WDR27: variants seen among roughly 807,000 people sequenced by gnomAD.
WDR27 encodes the protein WD repeat domain 27, also known as WD repeat-containing protein 27.
WDR27 carries 100 observed loss-of-function variants against 114.4 expected under a neutral mutation model. That is an observed-to-expected ratio of 0.87 (90% CI 0.74 to 1.03). WDR27 has a LOEUF of 1.03. WDR27 is among the 50% of genes least tolerant of loss of function. The pLI is 0.00. For synonymous variants in WDR27, 449 were observed against 423.1 expected (o/e 1.06, Z -0.75); for missense variants, 1,129 against 1,092.9 (o/e 1.03, Z -0.47).
rs371129092 is a variant in WDR27 at position 169,618,540 on chromosome 6, A to C, written c.2224-4884T>G. ...TTAATACAATACTAAAATGAATTTA[A>C]AATTCCATTTGTCCAACAGAATTAA... On this transcript the variant is annotated intron_variant, in intron 21 of 25. Transcript: ENST00000448612. 2.6e-5 allele frequency among the ~76,000 whole-genome samples: 4 copies of C among 151,914 alleles called. No individual in the cohort carries two copies. The East Asian group carries it at 5.8e-4, about 22-fold the overall frequency.
Position 169,582,865 on chromosome 6 carries a change from C to T in WDR27, c.2494G>A (p.Gly832Arg). 3 of 1,613,932 alleles carry T rather than the reference C, an allele frequency of 1.9e-6. No homozygotes were observed. The highest frequency in any genetic ancestry group is 2.5e-6 in the Non-Finnish European group (3 of 1,179,876). The change falls in exon 24 of 26, where the codon GGA becomes AGA. Residue 832 changes from glycine to arginine, a missense_variant. By Grantham distance (125) the Gly-to-Arg change is moderately radical (BLOSUM62 -2). Coordinates refer to ENST00000448612, the MANE Select transcript of WDR27 (RefSeq NM_182552.5). ...RLAGHTDTVT[G>R]VAFNPSAPQM... is the part of the protein sequence containing the mutation. Reference sequence around the variant, plus strand: ...GGCGCTGATGGGTTGAAGGCCACTCCAGTGACAGTGTCTGTGTGCCCAGCC... The same window carrying T: ...GGCGCTGATGGGTTGAAGGCCACTCTAGTGACAGTGTCTGTGTGCCCAGCC...
intron 6 of WDR27, 110 bp from the exon 7 acceptor site, chr6:169,665,666 TTC>T (rs749014217): frequency 3.9e-6 from 4 of 1,036,302 alleles, no homozygotes; most frequent in Non-Finnish European, 5.5e-6. Flanking sequence ...CTTACAGTAT[TTC>T]TGTTAGTCAA....
intron 22 of WDR27, among the ~76,000 whole-genome samples, chr6:169,605,736 A>ATATAG (rs1809026221): frequency 6.6e-6 from 1 of 152,164 alleles, no homozygotes; most frequent in Non-Finnish European, 1.5e-5. Flanking sequence ...TAACCAAAAC[A>ATATAG]ACATGGTACT....
intron 25 of WDR27, among the ~76,000 whole-genome samples, chr6:169,543,771 T>G (rs1397825715): frequency 1.3e-5 from 2 of 152,166 alleles, no homozygotes; most frequent in Non-Finnish European, 2.9e-5. Context: ...TTCCTAAAGG[T>G]TATGTGAGTT....
chr6:169,542,319 A>G (rs1218093469), intron 25 of WDR27, among the ~76,000 whole-genome samples: 1 of 152,206 alleles, frequency 6.6e-6, no homozygotes, highest in East Asian at 1.9e-4. Flanking sequence ...AAACAAAGTA[A>G]TTGCAACAAA....
At chr6:169,580,963 A>ATG (rs1272144993) in intron 24 of WDR27, among the ~76,000 whole-genome samples, 1 of 147,934 alleles carries the variant, frequency 6.8e-6, no homozygotes, top group African/African-American at 2.5e-5. Context: ...ACATATATAT[A>ATG]TATATAAATT....
In WDR27 at chr6:169,457,275, T is replaced by A. The variant is rs1240984018; in HGVS notation, c.*317A>T. 2 of 223,030 alleles carry A rather than the reference T, an allele frequency of 9.0e-6. No individual in the cohort carries two copies. The highest frequency in any genetic ancestry group is 5.6e-5 in the Admixed American group (1 of 17,750). 13.8% of individuals were successfully genotyped at this position (223,030 alleles called of 1,614,324 possible). A position where few individuals can be genotyped will look rare whatever the true frequency, so the allele number is the denominator to read the frequency against. ...TCTCTCTTTTTTCTTCCAACTCTAA[T>A]TATCAAACAAATACTATATTATGTT... On this transcript the variant is annotated 3_prime_UTR_variant, in exon 26 of 26. Transcript: ENST00000448612.
chr6:169,558,456 C>T (rs1222793141), intron 25 of WDR27: 3 of 152,308 alleles, frequency 2.0e-5, no homozygotes, highest in East Asian at 1.9e-4. Flanking sequence ...GCTCCCATCC[C>T]GGTGGAGTCC....
At chr6:169,439,002 GT>G in the WDR27 span, among the ~76,000 whole-genome samples, 2 of 151,924 alleles carry the variant, frequency 1.3e-5, no homozygotes, top group Non-Finnish European at 2.9e-5. Context: ...AATGTTTTAA[GT>G]TTTTTTAACA....
downstream of WDR27, among the ~76,000 whole-genome samples, chr6:169,453,259 G>A (rs1784228858): frequency 1.3e-5 from 2 of 152,188 alleles, no homozygotes; most frequent in African/African-American, 2.4e-5. Flanking sequence ...TGAGGACCAG[G>A]CTCCCCAGAG....
intron 21 of WDR27, among the ~76,000 whole-genome samples, chr6:169,624,010 G>T (rs529009351): frequency 4.2e-4 from 64 of 152,286 alleles, no homozygotes; most frequent in African/African-American, 1.5e-3. Context: ...ACAGGATTGG[G>T]GACATGGGGC....
chr6:169,563,969 G>C (rs1800053313), intron 25 of WDR27, among the ~76,000 whole-genome samples: 2 of 152,300 alleles, frequency 1.3e-5, no homozygotes, highest in South Asian at 4.1e-4. Flanking sequence ...GTATATGGAG[G>C]GGAGTTTATT....
At chr6:169,497,103 G>A (rs924961142) in intron 25 of WDR27, among the ~76,000 whole-genome samples, 1 of 152,190 alleles carries the variant, frequency 6.6e-6, no homozygotes, top group South Asian at 2.1e-4. Context: ...TAGACCAATA[G>A]AATTAAATAG....
At chr6:169,677,765 C>G (rs1439681101) in intron 2 of WDR27, among the ~76,000 whole-genome samples, 1 of 152,242 alleles carries the variant, frequency 6.6e-6, no homozygotes, top group Non-Finnish European at 1.5e-5. Flanking sequence ...GGCCTGCTGC[C>G]CCACACAGCC....
chr6:169,667,500 C>A (rs575693554), intron 5 of WDR27: 2 of 548,024 alleles, frequency 3.6e-6, no homozygotes, highest in South Asian at 8.1e-5. Context: ...AGGCACCAAG[C>A]GGAAACTGTA....
intron 25 of WDR27, among the ~76,000 whole-genome samples, chr6:169,519,263 T>C (rs1794053886): frequency 6.6e-6 from 1 of 152,204 alleles, no homozygotes; most frequent in Non-Finnish European, 1.5e-5. Context: ...TTTTCAGATA[T>C]CTTCACAGCA....
At chr6:169,483,487 A>T (rs1788472690) in intron 25 of WDR27, among the ~76,000 whole-genome samples, 1 of 152,198 alleles carries the variant, frequency 6.6e-6, no homozygotes. Context: ...ATCTGAACCA[A>T]TAACAAGTTC....
intron 23 of WDR27, among the ~76,000 whole-genome samples, chr6:169,585,553 T>C (rs915575180): frequency 2.0e-5 from 3 of 152,120 alleles, no homozygotes; most frequent in Non-Finnish European, 4.4e-5. Flanking sequence ...ACTCATAACC[T>C]ACTGTTGACC....
chr6:169,666,014 G>A (rs1827750102), intron 6 of WDR27, among the ~76,000 whole-genome samples: 1 of 152,128 alleles, frequency 6.6e-6, no homozygotes, highest in Admixed American at 6.5e-5. Context: ...GTAAATGGAT[G>A]TCTTGTTTCC....
Sources: gnomAD v4.1 joint callset for allele counts (sites outside exome capture counted in the v4.1 genomes callset) on GRCh38, gnomAD v4.1.1 for gene constraint, MANE v1.5 for transcripts, NCBI Gene and HGNC (gene_info 2026-07-23, HGNC 2026-07-21) for gene names.